Variants in ABCC6 observed in about 807,000 individuals in gnomAD.
The protein encoded by ABCC6 is ATP-binding cassette sub-family C member 6.
In ABCC6, 126 loss-of-function variants were observed where a neutral mutation model predicts 169.5. That is an observed-to-expected ratio of 0.74 (90% confidence interval 0.64 to 0.86). ABCC6 has a LOEUF of 0.86. ABCC6 is among the 40% of genes least tolerant of loss of function. ABCC6 has a pLI of 0.00. For synonymous variants in ABCC6, 752 were observed against 814.7 expected (o/e 0.92, Z 1.31); for missense variants, 1,733 against 1,927.2 (o/e 0.90, Z 1.89).
chr16:16,166,014 G>A (rs944389003), intron 22 of ABCC6, 81 bp from the exon 23 acceptor site: 10 of 1,409,590 alleles, frequency 7.1e-6, no homozygotes, highest in Middle Eastern at 2.2e-4. Context: ...GGTCTCTCCC[G>A]CTACCCCATG....
chr16:16,168,926 C>T (rs929735904), intron 22 of ABCC6, among the ~76,000 whole-genome samples: 1 of 152,008 alleles, frequency 6.6e-6, no homozygotes, highest in Non-Finnish European at 1.5e-5. Flanking sequence ...ACTAAAAATA[C>T]AAAAATTAAC....
chr16:16,156,040 C>T (rs34641201), intron 27 of ABCC6, among the ~76,000 whole-genome samples: 7 of 152,182 alleles, frequency 4.6e-5, no homozygotes, highest in African/African-American at 1.7e-4. Flanking sequence ...CTCAGCCTCC[C>T]TAGTAGCTGG....
rs763908026 is a variant in ABCC6, at chr16:16,150,698, G to T, written c.4283C>A (p.Ala1428Asp). The T allele has an allele frequency of 6.2e-7, 1 of 1,613,896 alleles. No individual in the cohort carries two copies. The highest frequency in any genetic ancestry group is 2.2e-5 in the East Asian group (1 of 44,876). ...RKTQILILDE[A>D]TAAVDPGTEL... ...CGTGCCAGGGTCCACGGCAGCAGTA[G>T]CCTCGTCCAGGATGAGGATCTGGGT... is the stretch of plus-strand genomic sequence containing the variant. The change falls in exon 30 of 31, where the codon GCT becomes GAT. Residue 1428 changes from alanine to aspartate, a missense_variant. This residue lies in a region of ABCC6 where 1,601 missense variants were observed against 1,635.5 expected (regional missense o/e 0.98). Transcript: ENST00000205557.
At chr16:16,190,129 A>C in intron 12 of ABCC6, 35 bp downstream of exon 12, 2 of 1,604,318 alleles carry the variant, frequency 1.2e-6, no homozygotes, top group Non-Finnish European at 1.7e-6. Flanking sequence ...CTCCTTCCCC[A>C]GTGCTGCTCA....
chr16:16,154,860 C>T lies in ABCC6; in HGVS notation c.4041+13G>A, dbSNP rs1385572874. On this transcript the variant is annotated intron_variant, in intron 28 of 30. Coordinates refer to ENST00000205557, the MANE Select transcript of ABCC6 (RefSeq NM_001171.6). ...TGCCTCCCATCTTTGCCCACCCCCTCCACCAGCCTCACCTGGGGGATGATG... is the reference window on the plus strand; with the variant it reads ...TGCCTCCCATCTTTGCCCACCCCCTTCACCAGCCTCACCTGGGGGATGATG... 1 of 1,611,852 alleles carries T rather than the reference C, an allele frequency of 6.2e-7. No individual in the cohort carries two copies. The highest frequency in any genetic ancestry group is 8.5e-7 in the Non-Finnish European group (1 of 1,179,206).
intron 27 of ABCC6, among the ~76,000 whole-genome samples, chr16:16,156,933 A>G (rs1470671163): frequency 9.7e-6 from 1 of 103,232 alleles, no homozygotes; most frequent in African/African-American, 3.5e-5. Flanking sequence ...ACAGAGTGAG[A>G]CTCTGTCTCA....
chr16:16,186,428 G>A (rs1337731374), intron 14 of ABCC6, among the ~76,000 whole-genome samples: 1 of 151,948 alleles, frequency 6.6e-6, no homozygotes, highest in Non-Finnish European at 1.5e-5. Context: ...AGCAGGAGGT[G>A]AGCGCAGGGC....
chr16:16,214,329 G>C lies in ABCC6; in HGVS notation c.595C>G (p.Gln199Glu). 1 of 1,550,806 alleles carries C rather than the reference G, an allele frequency of 6.4e-7. No homozygotes were observed. The highest frequency in any genetic ancestry group is 2.4e-5 in the East Asian group (1 of 40,848). Residue 199 changes from glutamine to glutamate, a missense_variant, in exon 5 of 31, where the codon CAG becomes GAG. Gln to Glu is a conservative substitution (Grantham distance 29). This residue lies in a region of ABCC6 where 49 missense variants were observed against 85.8 expected (regional missense o/e 0.57). Coordinates refer to ENST00000205557, the MANE Select transcript of ABCC6 (RefSeq NM_001171.6). ...GTTGGAACTTGGTGACTTACAGACT[G>C]CTGGGGGTCTTCAGGGAAGAAGGGG... ...QPPFFPEDPQ[Q>E]SNPCPETGAA...
chr16:16,160,055 C>A (rs981820650), intron 25 of ABCC6, among the ~76,000 whole-genome samples: 1 of 152,174 alleles, frequency 6.6e-6, no homozygotes, highest in Admixed American at 6.5e-5. Flanking sequence ...TCTCCCAGCA[C>A]CCCTGCCTTC....
Position 16,221,685 on chromosome 16 carries a change from G to T in ABCC6, c.183C>A (p.Gly61=). ...TGAAGAGTGGGGACATCCGGAGGTA[G>T]CCCCGGCCATGGTGGTGGATGAAGA... ...YLLFIHHHGR[G]YLRMSPLFKA... Residue 61 remains glycine (G), a synonymous_variant, in exon 2 of 31, where the codon GGC becomes GGA. Coordinates refer to ENST00000205557, the MANE Select transcript of ABCC6 (RefSeq NM_001171.6). 6.2e-7 allele frequency: 1 copy of T among 1,613,896 alleles called. No homozygotes were observed.
intron 13 of ABCC6, among the ~76,000 whole-genome samples, chr16:16,187,656 A>G (rs543746999): frequency 6.6e-6 from 1 of 152,324 alleles, no homozygotes; most frequent in South Asian, 2.1e-4. Flanking sequence ...GCACTTTGGG[A>G]AGCCAAGTGC....
intron 10 of ABCC6, among the ~76,000 whole-genome samples, chr16:16,197,438 G>C (rs768585895): frequency 6.6e-6 from 1 of 151,118 alleles, no homozygotes; most frequent in Non-Finnish European, 1.5e-5. Flanking sequence ...GGGGTGGAAG[G>C]GGAGGAGAAA....
intron 22 of ABCC6, among the ~76,000 whole-genome samples, chr16:16,166,875 T>C (rs1406779393): frequency 6.6e-6 from 1 of 151,124 alleles, no homozygotes; most frequent in Non-Finnish European, 1.5e-5. Flanking sequence ...TCCAGCCTGG[T>C]TGACAGAGCA....
intron 10 of ABCC6, among the ~76,000 whole-genome samples, chr16:16,196,842 T>C (rs1470206830): frequency 6.6e-6 from 1 of 152,076 alleles, no homozygotes; most frequent in African/African-American, 2.4e-5. Context: ...GATGGGGTTA[T>C]AGGCACCCAC....
In ABCC6 at chr16:16,200,299, C is replaced by T. The variant is rs567062694; in HGVS notation, c.1176+1702G>A. Among the ~76,000 whole-genome samples, 12 of 151,508 alleles carry T rather than the reference C, an allele frequency of 7.9e-5. No homozygotes were observed. The East Asian group carries it at 2.3e-3, about 30-fold the overall frequency. On this transcript the variant is annotated intron_variant, in intron 9 of 30. Coordinates refer to ENST00000205557, the MANE Select transcript of ABCC6 (RefSeq NM_001171.6). Reference sequence around the variant, plus strand: ...ACAAAATTAGCCGGGCATGGTGGCGCACACCTGTAATCCCAGCTACTCAGG... The same window carrying T: ...ACAAAATTAGCCGGGCATGGTGGCGTACACCTGTAATCCCAGCTACTCAGG...
intron 30 of ABCC6, 27 bp downstream of exon 30, chr16:16,150,551 G>A: frequency 6.2e-7 from 1 of 1,601,056 alleles, no homozygotes; most frequent in South Asian, 1.1e-5. Flanking sequence ...GGGCTGCTGT[G>A]AGGTCAGGCC....
Position 16,150,853 on chromosome 16 carries a change from C to T in ABCC6, c.4209-81G>A, listed in dbSNP as rs1470832701. 3 of 1,564,142 alleles carry T rather than the reference C, an allele frequency of 1.9e-6. No homozygotes were observed. The African/African-American group carries it at 4.1e-5, about 21-fold the overall frequency. Reference sequence around the variant, plus strand: ...TGTGGGTGTGCCCAGAAACAGGTCCCTGAAGCAGTGCAGGAGTGAGGTGCC... The same window carrying T: ...TGTGGGTGTGCCCAGAAACAGGTCCTTGAAGCAGTGCAGGAGTGAGGTGCC... On this transcript the variant is annotated intron_variant, in intron 29 of 30. Transcript: ENST00000205557.
At chr16:16,200,409 A>G (rs1336364744) in intron 9 of ABCC6, among the ~76,000 whole-genome samples, 3 of 149,098 alleles carry the variant, frequency 2.0e-5, no homozygotes, top group Non-Finnish European at 4.5e-5. Context: ...AGCCTGGGCA[A>G]CAAGAGCGAA....
chr16:16,173,408 T>C lies in ABCC6; in HGVS notation c.2667-4A>G. 6.2e-7 allele frequency: 1 copy of C among 1,614,084 alleles called. No individual in the cohort carries two copies. Among genetic ancestry groups the C allele is most frequent in the South Asian group, 1.1e-5 (1 of 91,082 alleles). On this transcript the variant is annotated splice_region_variant and splice_polypyrimidine_tract_variant and intron_variant, in intron 20 of 30. Transcript: ENST00000205557. ...CTCAGGGACTGACTTGATGGACCTG[T>C]CATTTAGAGGAAATGAAGACAAAGT...
Sources: gnomAD v4.1 joint callset for allele counts (sites outside exome capture counted in the v4.1 genomes callset) on GRCh38, gnomAD v4.1.1 for gene constraint, gnomAD v4.1.1 regional missense constraint, MANE v1.5 for transcripts, NCBI Gene and HGNC (gene_info 2026-07-23, HGNC 2026-07-21) for gene names.